The following ISM1 variants were observed in gnomAD, a reference collection of about 807,000 sequenced individuals.
ISM1 encodes the protein isthmin 1.
In ISM1, 25 loss-of-function variants were observed where a neutral mutation model predicts 46.3. The observed-to-expected ratio is 0.54, with a 90% confidence interval of 0.39 to 0.75. ISM1 has a LOEUF of 0.75. ISM1 is among the 30% of genes least tolerant of loss of function. The pLI is 0.00. For missense variants in ISM1, 536 were observed against 625.4 expected, an observed-to-expected ratio of 0.86 and a Z score of 1.52; for synonymous variants, 255 against 256.7, an observed-to-expected ratio of 0.99 and a Z score of 0.06.
At chr20:13,223,582 A>G (rs1348656891) in intron 1 of ISM1, among the ~76,000 whole-genome samples, 1 of 152,238 alleles carries the variant, frequency 6.6e-6, no homozygotes, top group Non-Finnish European at 1.5e-5. Flanking sequence ...ATTACAAAAC[A>G]GTAGAAAAGT....
At chr20:13,321,016 T>C in the ISM1 span, among the ~76,000 whole-genome samples, 4 of 151,984 alleles carry the variant, frequency 2.6e-5, no homozygotes, top group South Asian at 2.1e-4. Context: ...CTGTCCAACA[T>C]GGTGGAACCC....
chr20:13,284,617 G>A (rs1332798107), intron 3 of ISM1, among the ~76,000 whole-genome samples: 1 of 152,160 alleles, frequency 6.6e-6, no homozygotes, highest in Non-Finnish European at 1.5e-5. Context: ...TCTGTTCTTT[G>A]AAGACATTAA....
chr20:13,293,582 G>T (rs915495528), intron 5 of ISM1, among the ~76,000 whole-genome samples: 4 of 151,998 alleles, frequency 2.6e-5, no homozygotes, highest in Non-Finnish European at 5.9e-5. Context: ...TTGGGGTCAG[G>T]TAATGGGGTC....
chr20:13,322,663 CAG>C, the ISM1 span, among the ~76,000 whole-genome samples: 1 of 152,202 alleles, frequency 6.6e-6, no homozygotes, highest in Non-Finnish European at 1.5e-5. Flanking sequence ...TACAGACAGA[CAG>C]ACTTTGAGAA....
the ISM1 span, among the ~76,000 whole-genome samples, chr20:13,319,601 C>G: frequency 6.6e-6 from 1 of 152,228 alleles, no homozygotes; most frequent in East Asian, 1.9e-4. Context: ...CACATTCTAT[C>G]TCCTTTATTT....
At chr20:13,278,143 T>C (rs1371509385) in intron 2 of ISM1, among the ~76,000 whole-genome samples, 2 of 152,216 alleles carry the variant, frequency 1.3e-5, no homozygotes, top group Admixed American at 6.5e-5. Flanking sequence ...GCAAGAGCTA[T>C]GCGATGGCCA....
At chr20:13,310,472 C>T in the ISM1 span, among the ~76,000 whole-genome samples, 1 of 148,496 alleles carries the variant, frequency 6.7e-6, no homozygotes, top group Admixed American at 6.9e-5. Context: ...TGTAAAACAA[C>T]TGGAAGGAAA....
the ISM1 span, among the ~76,000 whole-genome samples, chr20:13,305,779 A>G: frequency 6.6e-6 from 1 of 152,228 alleles, no homozygotes; most frequent in South Asian, 2.1e-4. Context: ...CGAATTTATG[A>G]GACTAGCAAT....
intron 4 of ISM1, 126 bp downstream of exon 4, chr20:13,288,809 G>C (rs1472904401): frequency 1.6e-5 from 16 of 972,096 alleles, no homozygotes; most frequent in East Asian, 2.6e-5. Flanking sequence ...TTTTGAGACG[G>C]AGTCTCTCCC....
At chr20:13,258,768 A>C (rs2039954759) in intron 1 of ISM1, among the ~76,000 whole-genome samples, 5 of 152,086 alleles carry the variant, frequency 3.3e-5, no homozygotes, top group Admixed American at 3.3e-4. Flanking sequence ...GTTCGAAAGG[A>C]GTTTGGGTGC....
chr20:13,307,797 G>T, the ISM1 span, among the ~76,000 whole-genome samples: 32 of 152,192 alleles, frequency 2.1e-4, no homozygotes, highest in African/African-American at 7.5e-4. Flanking sequence ...TTTCCAATGT[G>T]TGAATATATC....
chr20:13,305,977 C>A, the ISM1 span, among the ~76,000 whole-genome samples: 1 of 152,156 alleles, frequency 6.6e-6, no homozygotes, highest in East Asian at 1.9e-4. Context: ...GACACAGCTG[C>A]AATAGCAAAG....
At chr20:13,316,494 G>A in the ISM1 span, among the ~76,000 whole-genome samples, 1 of 151,802 alleles carries the variant, frequency 6.6e-6, no homozygotes, top group Non-Finnish European at 1.5e-5. Flanking sequence ...TACAAAAAAA[G>A]TACTGACCAA....
intron 2 of ISM1, among the ~76,000 whole-genome samples, chr20:13,271,600 T>C (rs544525285): frequency 1.3e-5 from 2 of 152,316 alleles, no homozygotes; most frequent in African/African-American, 4.8e-5. Context: ...AAATAGTAGT[T>C]ATAGGGCTCA....
intron 1 of ISM1, among the ~76,000 whole-genome samples, chr20:13,255,021 T>G (rs1309052986): frequency 6.6e-6 from 1 of 152,218 alleles, no homozygotes; most frequent in Non-Finnish European, 1.5e-5. Context: ...TGCCTCATGG[T>G]TCTGACATCC....
intron 1 of ISM1, among the ~76,000 whole-genome samples, chr20:13,252,794 A>T (rs1397839892): frequency 6.6e-6 from 1 of 151,962 alleles, no homozygotes; most frequent in African/African-American, 2.4e-5. Context: ...CCATGATGAT[A>T]GTAACTTGGC....
chr20:13,317,450 G>A, the ISM1 span, among the ~76,000 whole-genome samples: 2 of 150,992 alleles, frequency 1.3e-5, no homozygotes, highest in African/African-American at 4.9e-5. Context: ...GTTCTAAAGT[G>A]TATAGGGAGA....
intron 4 of ISM1, among the ~76,000 whole-genome samples, chr20:13,289,694 G>A (rs1255048902): frequency 6.6e-6 from 1 of 151,666 alleles, no homozygotes; most frequent in African/African-American, 2.4e-5. Flanking sequence ...AGGAAGAGGA[G>A]GAGGAAGCTG....
At chr20:13,280,989 G>C (rs991029532) in intron 3 of ISM1, among the ~76,000 whole-genome samples, 6 of 152,172 alleles carry the variant, frequency 3.9e-5, no homozygotes, top group Non-Finnish European at 7.3e-5. Flanking sequence ...TACACCATTT[G>C]CATGCTAACC....
Sources: allele counts gnomAD v4.1 joint callset (sites outside exome capture counted in the v4.1 genomes callset), GRCh38; gene constraint gnomAD v4.1.1; transcripts MANE v1.5; gene names NCBI Gene and HGNC (gene_info 2026-07-23, HGNC 2026-07-21).